The following WDR93 variants were observed in gnomAD, a reference collection of about 807,000 sequenced individuals.
WDR93 encodes WD repeat-containing protein 93.
WDR93 carries 73 observed loss-of-function variants against 82.9 expected under a neutral mutation model. That is an observed-to-expected ratio of 0.88 (90% confidence interval 0.73 to 1.07). The LOEUF (loss-of-function observed/expected upper bound fraction) is 1.07, where lower values mean the gene tolerates loss of function less well. Among genes scored for constraint, WDR93 ranks in the 50% least tolerant of loss-of-function variants. The pLI, the probability that WDR93 is intolerant of heterozygous loss-of-function variation, is 0.00. For synonymous variants in WDR93, 283 were observed against 300.1 expected, an observed-to-expected ratio of 0.94 and a Z score of 0.59; for missense variants, 738 against 826.0, an observed-to-expected ratio of 0.89 and a Z score of 1.31.
At chr15:89,724,431 C>T (rs1308994287) in intron 8 of WDR93, among the ~76,000 whole-genome samples, 1 of 151,866 alleles carries the variant, frequency 6.6e-6, no homozygotes, top group Non-Finnish European at 1.5e-5. Context: ...ACAAAAAGTA[C>T]TTACAATTTT....
intron 9 of WDR93, among the ~76,000 whole-genome samples, chr15:89,727,734 T>A (rs921273327): frequency 6.6e-6 from 1 of 152,232 alleles, no homozygotes; most frequent in Non-Finnish European, 1.5e-5. Context: ...TTCAGTTTTA[T>A]ACATGACAGC....
At chr15:89,719,181 G>A (rs913631083) in intron 7 of WDR93, among the ~76,000 whole-genome samples, 1 of 152,030 alleles carries the variant, frequency 6.6e-6, no homozygotes, top group African/African-American at 2.4e-5. Flanking sequence ...TCAACCTCCT[G>A]GGCTCAAGCA....
intron 5 of WDR93, among the ~76,000 whole-genome samples, chr15:89,713,747 A>G (rs1010974274): frequency 5.3e-5 from 8 of 152,146 alleles, no homozygotes; most frequent in African/African-American, 1.9e-4. Flanking sequence ...TGCTAGGATT[A>G]CAGGCATGAG....
intron 7 of WDR93, 125 bp downstream of exon 7, chr15:89,717,074 G>C: frequency 2.1e-6 from 1 of 470,804 alleles, no homozygotes; most frequent in Non-Finnish European, 3.1e-6. Context: ...TTTTGAGACA[G>C]AGTTTCATTC....
At chr15:89,731,608 G>A (rs1489121708) in intron 12 of WDR93, 46 bp downstream of exon 12, 4 of 1,611,350 alleles carry the variant, frequency 2.5e-6, no homozygotes, top group Non-Finnish European at 3.4e-6. Context: ...TGGGACTCTG[G>A]GCAATGAGTC....
rs201342461 is a variant in WDR93, at chr15:89,743,272, C to G, written c.1962-20C>G. ...GGAAGTGAGAGGAGATTCCTCTCAT[C>G]ACAGTTGTGTGGCCCTCAGCTATCG... is the stretch of plus-strand genomic sequence containing the variant. On this transcript the variant is annotated intron_variant, in intron 16 of 16. Coordinates refer to ENST00000268130, the MANE Select transcript of WDR93 (RefSeq NM_020212.2). 6.2e-7 allele frequency: 1 copy of G among 1,613,378 alleles called. No homozygotes were observed. Among genetic ancestry groups the G allele is most frequent in the Non-Finnish European group, 8.5e-7 (1 of 1,179,336 alleles).
chr15:89,733,738 C>A (rs1298690569), intron 13 of WDR93, among the ~76,000 whole-genome samples: 2 of 152,174 alleles, frequency 1.3e-5, no homozygotes, highest in Admixed American at 6.5e-5. Context: ...AAGGCTCTCA[C>A]TAGCTGTGGA....
At chr15:89,699,933 T>A (rs1965374403) in intron 1 of WDR93, among the ~76,000 whole-genome samples, 1 of 152,240 alleles carries the variant, frequency 6.6e-6, no homozygotes, top group Non-Finnish European at 1.5e-5. Context: ...ATTTTTCTCT[T>A]TATTATGGCT....
At chr15:89,735,410 A>C (rs1271539955) in intron 13 of WDR93, 80 bp from the exon 14 acceptor site, 45 of 1,423,142 alleles carry the variant, frequency 3.2e-5, no homozygotes, top group Non-Finnish European at 3.7e-5. Context: ...GAATTTCTCC[A>C]GGATATATGC....
At chr15:89,731,386 A>G in intron 11 of WDR93, 57 bp from the exon 12 acceptor site, 1 of 1,601,708 alleles carries the variant, frequency 6.2e-7, no homozygotes, top group South Asian at 1.1e-5. Flanking sequence ...TCCAGGTAGA[A>G]GTGATGGGTA....
chr15:89,712,169 C>T, intron 5 of WDR93, 65 bp downstream of exon 5: 3 of 1,295,174 alleles, frequency 2.3e-6, no homozygotes, highest in Non-Finnish European at 3.3e-6. Flanking sequence ...CAAATGATTG[C>T]TTTTGTCCCT....
Position 89,690,900 on chromosome 15 carries a change from C to T in WDR93, c.-41+43C>T, listed in dbSNP as rs1964836889. 12 of 448,622 alleles carry T rather than the reference C, an allele frequency of 2.7e-5. No individual in the cohort carries two copies. The South Asian group carries it at 2.7e-4, about 10-fold the overall frequency. 27.8% of individuals were successfully genotyped at this position (448,622 alleles called of 1,614,324 possible). On this transcript the variant is annotated intron_variant, in intron 1 of 16. Transcript: ENST00000268130. ...TACCTTTGGATGCCGGGGCTCCCCT[C>T]GAGTCCCAGGACTCCCCTTTACCTG... is the stretch of plus-strand genomic sequence containing the variant.
chr15:89,721,638 G>T (rs1336469064), intron 7 of WDR93, among the ~76,000 whole-genome samples: 1 of 152,102 alleles, frequency 6.6e-6, no homozygotes, highest in Non-Finnish European at 1.5e-5. Flanking sequence ...TTCAAAGATG[G>T]GCTCTCGCTA....
intron 14 of WDR93, among the ~76,000 whole-genome samples, chr15:89,737,144 G>T (rs1338219590): frequency 6.6e-6 from 1 of 152,154 alleles, no homozygotes; most frequent in African/African-American, 2.4e-5. Context: ...GCAGAGGAAA[G>T]AGCCCAGGCA....
Position 89,727,249 on chromosome 15 carries a change from C to A in WDR93, c.973C>A (p.Gln325Lys). 1 of 1,614,122 alleles carries A rather than the reference C, an allele frequency of 6.2e-7. No homozygotes were observed. Among genetic ancestry groups the A allele is most frequent in the Middle Eastern group, 1.6e-4 (1 of 6,062 alleles). The change falls in exon 9 of 17, where the codon CAG becomes AAG. Residue 325 changes from glutamine to lysine, a missense_variant. Transcript: ENST00000268130. ...SGQNHFIKDS[Q>K]WEQQAEIFNA... ...GCAGAATCATTTCATCAAGGACAGT[C>A]AGTGGGAGCAGCAAGCTGAGATCTT...
chr15:89,732,662 G>C (rs1966875981), intron 12 of WDR93, among the ~76,000 whole-genome samples: 1 of 151,330 alleles, frequency 6.6e-6, no homozygotes, highest in South Asian at 2.1e-4. Flanking sequence ...TGAAACAGCT[G>C]TGCCTCCCCC....
At chr15:89,719,859 G>C (rs1401950431) in intron 7 of WDR93, among the ~76,000 whole-genome samples, 1 of 151,128 alleles carries the variant, frequency 6.6e-6, no homozygotes, top group African/African-American at 2.4e-5. Flanking sequence ...GGAGTGCACT[G>C]GCATGATCTT....
intron 16 of WDR93, among the ~76,000 whole-genome samples, chr15:89,741,846 G>A (rs1967699523): frequency 6.6e-6 from 1 of 151,984 alleles, no homozygotes. Context: ...CTGCCTCCCA[G>A]GTTCAAGTGA....
At chr15:89,719,724 T>G (rs1169889448) in intron 7 of WDR93, 1 of 152,146 alleles carries the variant, frequency 6.6e-6, no homozygotes, top group Non-Finnish European at 1.5e-5. Context: ...TGATTTCCAG[T>G]TTGTTTTTAT....
Sources: gnomAD v4.1 joint callset for allele counts (sites outside exome capture counted in the v4.1 genomes callset) on GRCh38, gnomAD v4.1.1 for gene constraint, MANE v1.5 for transcripts, NCBI Gene and HGNC (gene_info 2026-07-23, HGNC 2026-07-21) for gene names.